ADAMTS8: variants seen among roughly 807,000 people sequenced by gnomAD.
The protein encoded by ADAMTS8 is A disintegrin and metalloproteinase with thrombospondin motifs 8.
ADAMTS8 carries 50 observed loss-of-function variants against 64.4 expected under a neutral mutation model. The observed-to-expected ratio is 0.78, with a 90% CI of 0.62 to 0.98. The LOEUF is 0.98. Among genes scored for constraint, ADAMTS8 ranks in the 50% least tolerant of loss-of-function variants. ADAMTS8 has a pLI of 0.00. For missense variants in ADAMTS8, 1,192 were observed against 1,208.2 expected, an observed-to-expected ratio of 0.99 and a Z score of 0.20; for synonymous variants, 556 against 533.6, an observed-to-expected ratio of 1.04 and a Z score of -0.58.
Position 130,416,363 on chromosome 11 carries a change from T to A in ADAMTS8, c.1097-33A>T. 1 of 1,520,408 alleles carries A rather than the reference T, an allele frequency of 6.6e-7. No homozygotes were observed. Among genetic ancestry groups the A allele is most frequent in the Non-Finnish European group, 8.9e-7 (1 of 1,129,408 alleles). 94.2% of individuals were successfully genotyped at this position (1,520,408 alleles called of 1,614,324 possible). ...GAGAGGCCTGGTCCACTCCGCCCTG[T>A]CCTGCCTGAGGGCGCCCCACCTGGC... On this transcript the variant is annotated intron_variant, in intron 3 of 8. Transcript: ENST00000257359. The surrounding 1 kb of genome is among the most constrained non-coding windows in gnomAD (Gnocchi z 4.8).
intron 1 of ADAMTS8, among the ~76,000 whole-genome samples, chr11:130,427,056 T>C (rs576192425): frequency 6.6e-6 from 1 of 152,358 alleles, no homozygotes; most frequent in African/African-American, 2.4e-5. Context: ...TCAAACAATG[T>C]CTTTTGCTTA....
In ADAMTS8 at chr11:130,405,694, G is replaced by C; in HGVS notation, c.2534C>G (p.Ser845Cys). Residue 845 changes from serine (S) to cysteine (C), a missense_variant, in exon 9 of 9, where the codon TCT becomes TGT. Physicochemically the swap from Ser to Cys is moderately radical, Grantham distance 112. Transcript: ENST00000257359. ...CTGCCAGCCGGCCCCGCAGGTGCTA[G>C]AGCACTCAGACCAGTCCCCCAGCAC... is the stretch of plus-strand genomic sequence containing the variant. Reference protein sequence around the residue: ...QWVLGDWSECSSTCGAGWQRR... With the variant: ...QWVLGDWSECCSTCGAGWQRR... The C allele has an allele frequency of 6.2e-7, 1 of 1,614,132 alleles. No individual in the cohort carries two copies. The highest frequency in any genetic ancestry group is 8.5e-7 in the Non-Finnish European group (1 of 1,179,976).
rs752496374 is a variant in ADAMTS8, at chr11:130,427,632, G to A, written c.655C>T (p.Arg219Cys). The A allele has an allele frequency of 4.5e-6, 7 of 1,571,816 alleles. No homozygotes were observed. The highest frequency in any genetic ancestry group is 1.7e-4 in the Middle Eastern group (1 of 6,038). ...GCCACCAGCAGCGTCTCCACGAAGC[G>A]CGCCTCAGACACAAACCGCTTGGTC... Reference protein sequence around the residue: ...SRTKRFVSEARFVETLLVADA... With the variant: ...SRTKRFVSEACFVETLLVADA... Residue 219 changes from arginine (R) to cysteine (C), a missense_variant, in exon 1 of 9, where the codon CGC becomes TGC. Coordinates refer to ENST00000257359, the MANE Select transcript of ADAMTS8 (RefSeq NM_007037.6).
At chr11:130,420,220 C>T (rs921058875) in intron 1 of ADAMTS8, among the ~76,000 whole-genome samples, 2 of 152,152 alleles carry the variant, frequency 1.3e-5, no homozygotes, top group African/African-American at 4.8e-5. Context: ...CCTAAGAGGA[C>T]CCATGTGCTT....
chr11:130,422,758 A>C (rs1238801758), intron 1 of ADAMTS8, among the ~76,000 whole-genome samples: 5 of 152,226 alleles, frequency 3.3e-5, no homozygotes, highest in African/African-American at 1.2e-4. Context: ...ACCACTGAGC[A>C]TGGGCAACTG....
chr11:130,415,461 G>A (rs10894196), intron 4 of ADAMTS8, among the ~76,000 whole-genome samples: 84,015 of 151,136 alleles, frequency 0.56, 24,463 homozygotes, highest in East Asian at 0.73. Flanking sequence ...GTGCTACCAC[G>A]CCTGGCTAAT....
chr11:130,424,308 C>T lies in ADAMTS8; in HGVS notation c.720+3259G>A, dbSNP rs544983328. On this transcript the variant is annotated intron_variant, in intron 1 of 8. Transcript: ENST00000257359. ...TCTGATCCTGAGGAAGCCACATGTC[C>T]TCTGTGAGCTGTGCAGTCTCCCTCT... Among the ~76,000 whole-genome samples the T allele has an allele frequency of 3.9e-5, 6 of 152,334 alleles. No homozygotes were observed. The East Asian group carries it at 1.2e-3, about 29-fold the overall frequency.
chr11:130,417,518 A>G (rs1425053281), intron 2 of ADAMTS8, among the ~76,000 whole-genome samples: 3 of 141,964 alleles, frequency 2.1e-5, no homozygotes, highest in African/African-American at 9.3e-5. Flanking sequence ...CGGCCTCCCA[A>G]AGTGCTGGGA....
In ADAMTS8 at chr11:130,408,476, A is replaced by G. The variant is rs375748660; in HGVS notation, c.2087T>C (p.Leu696Pro). The change falls in exon 8 of 9, where the codon CTC becomes CCC. Residue 696 changes from leucine to proline, a missense_variant. By Grantham distance (98) the Leu-to-Pro change is moderately conservative. Transcript: ENST00000257359. ...GNSCRKVSGS[L>P]TPTNYGYNDI... ...TGGGGAGACTCACTTGGTGGGGGTGAGGGACCCGGAGACCTTCCTGCAGGA... is the reference window on the plus strand; with the variant it reads ...TGGGGAGACTCACTTGGTGGGGGTGGGGGACCCGGAGACCTTCCTGCAGGA... 2 of 1,613,624 alleles carry G rather than the reference A, an allele frequency of 1.2e-6. No homozygotes were observed. Among genetic ancestry groups the G allele is most frequent in the Non-Finnish European group, 1.7e-6 (2 of 1,180,010 alleles).
rs750862617 is a variant in ADAMTS8, at chr11:130,408,793, C to T, written c.1898G>A (p.Ser633Asn). The change falls in exon 7 of 9, where the codon AGC becomes AAC. Residue 633 changes from serine (S) to asparagine (N), a missense_variant. Physicochemically the swap from Ser to Asn is conservative, Grantham distance 46 (BLOSUM62 1). Around this residue, in one of 5 missense-constraint regions of ADAMTS8, gnomAD observed 290 missense variants for 297.8 expected, o/e 0.97. Transcript: ENST00000257359. ...CTTGGCCTCGAACACTTTGAACTCGCTCCTCCCCCGGGCTCGGCAGAACAA... is the reference window on the plus strand; with the variant it reads ...CTTGGCCTCGAACACTTTGAACTCGTTCCTCCCCCGGGCTCGGCAGAACAA... The part of the protein sequence containing the change: ...CKLFCRARGR[S>N]EFKVFEAKVI... 6 of 1,614,012 alleles carry T rather than the reference C, an allele frequency of 3.7e-6. 1 individual carries two copies. In the South Asian group the frequency reaches 6.6e-5, roughly 18 times the overall value.
In ADAMTS8 at chr11:130,411,652, G is replaced by A; in HGVS notation, c.1567-52C>T. ...GAGGAGCAAAGGCCAGGAGGCTTCA[G>A]TATCTGTGTCACTGGGTGGCCAATG... is the stretch of plus-strand genomic sequence containing the variant. On this transcript the variant is annotated intron_variant, in intron 5 of 8. Transcript: ENST00000257359. The surrounding 1 kb of genome is among the most constrained non-coding windows in gnomAD (Gnocchi z 4.2). 1 of 1,586,946 alleles carries A rather than the reference G, an allele frequency of 6.3e-7. No homozygotes were observed. The highest frequency in any genetic ancestry group is 1.1e-5 in the South Asian group (1 of 88,532).
chr11:130,418,007 CAA>C (rs5795694), intron 2 of ADAMTS8, among the ~76,000 whole-genome samples: 211 of 93,954 alleles, frequency 2.2e-3, no homozygotes, highest in East Asian at 2.6e-3. Flanking sequence ...CTACAAAAAG[CAA>C]AAAAAAAAAA....
In ADAMTS8 at chr11:130,411,509, C is replaced by T; in HGVS notation, c.1658G>A (p.Cys553Tyr). 6.2e-7 allele frequency: 1 copy of T among 1,614,152 alleles called. No individual in the cohort carries two copies. Among genetic ancestry groups the T allele is most frequent in the Non-Finnish European group, 8.5e-7 (1 of 1,180,024 alleles). The change falls in exon 6 of 9, where the codon TGC becomes TAC. Residue 553 changes from cysteine to tyrosine, a missense_variant. Cys to Tyr is a radical substitution (Grantham distance 194). Coordinates refer to ENST00000257359, the MANE Select transcript of ADAMTS8 (RefSeq NM_007037.6). The surrounding 1 kb of genome is among the most constrained non-coding windows in gnomAD (Gnocchi z 4.2). Reference sequence around the variant, plus strand: ...TCCATTCTGAGGCTCGGGGTCCTTGCACTCACGGTGTGAAAACTGTACTCC... The same window carrying T: ...TCCATTCTGAGGCTCGGGGTCCTTGTACTCACGGTGTGAAAACTGTACTCC... Reference protein sequence around the residue: ...GGGVQFSHRECKDPEPQNGGR... With the variant: ...GGGVQFSHREYKDPEPQNGGR...
Position 130,408,789 on chromosome 11 carries a change from C to A in ADAMTS8, c.1902G>T (p.Glu634Asp). ...KLFCRARGRS[E>D]FKVFEAKVID... ...TCACCTTGGCCTCGAACACTTTGAACTCGCTCCTCCCCCGGGCTCGGCAGA... is the reference window on the plus strand; with the variant it reads ...TCACCTTGGCCTCGAACACTTTGAAATCGCTCCTCCCCCGGGCTCGGCAGA... The change falls in exon 7 of 9, where the codon GAG (glutamate) becomes GAT (aspartate). Residue 634 changes from glutamate to aspartate, a missense_variant. Glu to Asp is a conservative substitution (Grantham distance 45, BLOSUM62 2). Coordinates refer to ENST00000257359, the MANE Select transcript of ADAMTS8 (RefSeq NM_007037.6). 6.2e-7 allele frequency: 1 copy of A among 1,614,174 alleles called. No homozygotes were observed. The highest frequency in any genetic ancestry group is 8.5e-7 in the Non-Finnish European group (1 of 1,180,030).
At chr11:130,420,162 C>T (rs1348253974) in intron 1 of ADAMTS8, among the ~76,000 whole-genome samples, 1 of 152,202 alleles carries the variant, frequency 6.6e-6, no homozygotes, top group Non-Finnish European at 1.5e-5. Context: ...CTGGACAGCC[C>T]CGAAGGGTTC....
rs562044711 is a variant in ADAMTS8 at position 130,418,332 on chromosome 11, TATCCTAGGGCTGGCTGC to T, written c.960+704_960+720del. Reference sequence around the variant, plus strand: ...CCTGTTCTATGTTACAGGCTGGCTGTATCCTAGGGCTGGCTGCATCCTAGGGCTGGCTGCATCCTAGG... The same window carrying T: ...CCTGTTCTATGTTACAGGCTGGCTGTATCCTAGGGCTGGCTGCATCCTAGG... On this transcript the variant is annotated intron_variant, in intron 2 of 8. Coordinates refer to ENST00000257359, the MANE Select transcript of ADAMTS8 (RefSeq NM_007037.6). Among the ~76,000 whole-genome samples the T allele has an allele frequency of 4.5e-3, 690 of 152,210 alleles. 5 individuals are homozygous for T. Among genetic ancestry groups the T allele is most frequent in the African/African-American group, 0.012 (505 of 41,508 alleles).
chr11:130,414,891 C>T, intron 4 of ADAMTS8, 59 bp from the exon 5 acceptor site: 1 of 1,476,570 alleles, frequency 6.8e-7, no homozygotes, highest in Non-Finnish European at 9.0e-7. Flanking sequence ...CCTCTCAGCT[C>T]TTCATGGCCT....
chr11:130,422,697 A>C (rs1370525607), intron 1 of ADAMTS8, among the ~76,000 whole-genome samples: 1 of 152,220 alleles, frequency 6.6e-6, no homozygotes, highest in Non-Finnish European at 1.5e-5. Flanking sequence ...AGCAAAGAGC[A>C]ATGTTGTCCC....
In ADAMTS8 at chr11:130,405,833, G is replaced by C; in HGVS notation, c.2395C>G (p.Pro799Ala). 6.2e-7 allele frequency: 1 copy of C among 1,613,948 alleles called. No homozygotes were observed. The highest frequency in any genetic ancestry group is 8.5e-7 in the Non-Finnish European group (1 of 1,180,058). The change falls in exon 9 of 9, where the codon CCC becomes GCC. Residue 799 changes from proline (P) to alanine (A), a missense_variant. Physicochemically the swap from Pro to Ala is conservative, Grantham distance 27. Around this residue, in one of 5 missense-constraint regions of ADAMTS8, gnomAD observed 147 missense variants for 154.1 expected, o/e 0.95. Transcript: ENST00000257359. ...AAGAAGGTGTATTTGACTTTTGGGG[G>C]GAAGACCTCGCCAGGGACTGTCAGG... is the stretch of plus-strand genomic sequence containing the variant. ...QLLTVPGEVF[P>A]PKVKYTFFVP...
Sources: allele counts gnomAD v4.1 joint callset (sites outside exome capture counted in the v4.1 genomes callset), GRCh38; gene constraint gnomAD v4.1.1; regional missense constraint gnomAD v4.1.1; non-coding constraint Gnocchi (gnomAD v3.1); transcripts MANE v1.5; gene names NCBI Gene and HGNC (gene_info 2026-07-23, HGNC 2026-07-21).